Variants in TAF1 observed in about 807,000 individuals in gnomAD.
TAF1 encodes the protein transcription initiation factor TFIID subunit 1.
Under a neutral mutation model 138.5 loss-of-function variants are expected in TAF1, and 2 were observed. That is an observed-to-expected ratio of 0.01 (90% confidence interval 0.01 to 0.05). The LOEUF (loss-of-function observed/expected upper bound fraction) is 0.05, where lower values mean the gene tolerates loss of function less well. TAF1 is among the 10% of genes least tolerant of loss of function. TAF1 has a pLI of 1.00. For synonymous variants in TAF1, 437 were observed against 503.2 expected, an observed-to-expected ratio of 0.87 and a Z score of 1.76; for missense variants, 709 against 1,478.0, an observed-to-expected ratio of 0.48 and a Z score of 8.53.
At chrX:71,388,208 A>G in intron 15 of TAF1, 29 bp from the exon 16 acceptor site, 1 of 1,207,293 alleles carries the variant, frequency 8.3e-7, no homozygotes, top group African/African-American at 1.7e-5. Flanking sequence ...TTTCTTTGCC[A>G]AATAAAATAC....
chrX:71,430,573 G>A (rs767154203), intron 32 of TAF1, among the ~76,000 whole-genome samples: 92 of 111,209 alleles, frequency 8.3e-4, no homozygotes, highest in Middle Eastern at 9.2e-3. Context: ...GGATTCTAAG[G>A]ACAGGTAATA....
In TAF1 at chrX:71,382,821, C is replaced by T. The variant is rs864321630; in HGVS notation, c.1726C>T (p.Pro576Ser). The T allele has an allele frequency of 8.3e-7, 1 of 1,210,172 alleles. No homozygotes were observed. Among genetic ancestry groups the T allele is most frequent in the Non-Finnish European group, 1.1e-6 (1 of 894,968 alleles). The change falls in exon 11 of 38, where the codon CCC (proline) becomes TCC (serine). Residue 576 changes from proline to serine, a missense_variant. Pro to Ser is a moderately conservative substitution (Grantham distance 74, BLOSUM62 -1). Coordinates refer to ENST00000423759, the MANE Select transcript of TAF1 (RefSeq NM_004606.5). ...TCTCTCCAATGATGAGTATTATTAT[C>T]CCAAGCAACAGGGTCTTCGAGGCAC... ...WNLSNDEYYY[P>S]KQQGLRGTFG...
chrX:71,461,156 A>T (rs2038535417), intron 37 of TAF1, among the ~76,000 whole-genome samples: 1 of 111,046 alleles, frequency 9.0e-6, no homozygotes, highest in Non-Finnish European at 1.9e-5. Context: ...ATTGGGCCTT[A>T]AAAGATTAAT....
chrX:71,402,431 A>T (rs984757676), intron 25 of TAF1, among the ~76,000 whole-genome samples: 1 of 111,742 alleles, frequency 8.9e-6, no homozygotes, highest in African/African-American at 3.3e-5. Flanking sequence ...TATTTTTAGT[A>T]GAGACAGGGT....
chrX:71,404,335 C>T (rs1049733134), intron 25 of TAF1, among the ~76,000 whole-genome samples: 5 of 110,325 alleles, frequency 4.5e-5, no homozygotes, highest in African/African-American at 1.6e-4. Context: ...TAGAGTCGGC[C>T]ATTTCTCCAA....
intron 8 of TAF1, among the ~76,000 whole-genome samples, chrX:71,380,470 T>C (rs772995072): frequency 1.7e-3 from 185 of 111,461 alleles, no homozygotes; most frequent in African/African-American, 5.8e-3. Context: ...GTCTTGCTAT[T>C]GTTGGTCAGG....
intron 32 of TAF1, among the ~76,000 whole-genome samples, chrX:71,432,499 C>CTTT (rs200161016): frequency 1.0e-5 from 1 of 97,368 alleles, no homozygotes. Context: ...AAGATGGAGA[C>CTTT]TTTTTTTTTT....
At chrX:71,473,105 C>T (rs2038919169) in intron 13 of TAF1, among the ~76,000 whole-genome samples, 2 of 111,883 alleles carry the variant, frequency 1.8e-5, no homozygotes, top group Admixed American at 1.9e-4. Flanking sequence ...GAATGAGATA[C>T]AGCATTTGCC....
At chrX:71,524,048 T>C (rs2147640096) in intron 13 of TAF1, among the ~76,000 whole-genome samples, 1 of 102,821 alleles carries the variant, frequency 9.7e-6, no homozygotes, top group Admixed American at 1.0e-4. Flanking sequence ...TTTTTAGAGA[T>C]TCTTGCTCTG....
rs758405544 is a variant in TAF1 at position 71,371,026 on chromosome X, A to T, written c.352+2856A>T. Among the ~76,000 whole-genome samples, 3 of 111,687 alleles carry T rather than the reference A, an allele frequency of 2.7e-5. No homozygotes were observed. In the East Asian group the frequency reaches 8.4e-4, roughly 31 times the overall value. On this transcript the variant is annotated intron_variant, in intron 3 of 37. Transcript: ENST00000423759. ...AAGAATAGGTAAGTCAATAGCTGTCATTTTTGGGCACCCTGACTGGGGGGA... is the reference window on the plus strand; with the variant it reads ...AAGAATAGGTAAGTCAATAGCTGTCTTTTTTGGGCACCCTGACTGGGGGGA...
rs761717792 is a variant in TAF1 at position 71,383,147 on chromosome X, A to G, written c.1930A>G (p.Ile644Val). The part of the protein sequence containing the change: ...PHSVQPLLKH[I>V]KKKAKMREQE... ...CTCAGTCCAACCTTTGCTAAAGCAC[A>G]TCAAAAAAAAGGCCAAGGTATAATT... Residue 644 changes from isoleucine to valine, a missense_variant, in exon 12 of 38, where the codon ATC becomes GTC. By Grantham distance (29) the Ile-to-Val change is conservative. This residue lies in a region of TAF1 where 201 missense variants were observed against 421.3 expected (regional missense o/e 0.48). Coordinates refer to ENST00000423759, the MANE Select transcript of TAF1 (RefSeq NM_004606.5). 1 of 1,209,686 alleles carries G rather than the reference A, an allele frequency of 8.3e-7. No homozygotes were observed. Among genetic ancestry groups the G allele is most frequent in the South Asian group, 1.8e-5 (1 of 56,424 alleles).
At chrX:71,453,773 G>C (rs974612127) in intron 32 of TAF1, among the ~76,000 whole-genome samples, 3 of 111,052 alleles carry the variant, frequency 2.7e-5, no homozygotes, top group African/African-American at 9.8e-5. Context: ...GGAGGCTGAG[G>C]GGGGCGGATC....
At chrX:71,429,087 G>A (rs1299428570) in intron 32 of TAF1, among the ~76,000 whole-genome samples, 1 of 110,894 alleles carries the variant, frequency 9.0e-6, no homozygotes, top group Non-Finnish European at 1.9e-5. Flanking sequence ...CATTCTGGCT[G>A]ACACAGTGAA....
chrX:71,469,943 C>T (rs1211173301), downstream of TAF1, among the ~76,000 whole-genome samples: 3 of 111,935 alleles, frequency 2.7e-5, no homozygotes, highest in South Asian at 3.7e-4. Context: ...TCAGGTGATC[C>T]GCCCTCCTTG....
rs1430242647 is a variant in TAF1 at position 71,423,955 on chromosome X, T to A, written c.4576-19T>A. 1 of 1,152,851 alleles carries A rather than the reference T, an allele frequency of 8.7e-7. No individual in the cohort carries two copies. The highest frequency in any genetic ancestry group is 1.9e-5 in the South Asian group (1 of 53,115). ...GAAGAGTGGTTTCCATTTAATTTCT[T>A]ATGCTTTCTATTTACTAGTCTTGGC... On this transcript the variant is annotated intron_variant, in intron 30 of 37. Transcript: ENST00000423759.
chrX:71,487,317 ATT>A (rs60691914), intron 13 of TAF1, among the ~76,000 whole-genome samples: 2 of 55,007 alleles, frequency 3.6e-5, no homozygotes, highest in African/African-American at 7.5e-5. Flanking sequence ...TAATGTATGT[ATT>A]TTTTTTTTTT....
At chrX:71,422,509 A>G (rs1367044443) in intron 29 of TAF1, among the ~76,000 whole-genome samples, 1 of 99,184 alleles carries the variant, frequency 1.0e-5, no homozygotes, top group African/African-American at 3.7e-5. Context: ...TATTCTTAGT[A>G]GAGATGGGGT....
intron 13 of TAF1, among the ~76,000 whole-genome samples, chrX:71,477,942 C>T (rs1330209413): frequency 1.8e-5 from 2 of 109,523 alleles, no homozygotes; most frequent in Non-Finnish European, 3.8e-5. Flanking sequence ...TGCAGTGAGC[C>T]GAGATCACAC....
downstream of TAF1, among the ~76,000 whole-genome samples, chrX:71,467,948 C>T (rs1359076314): frequency 1.8e-5 from 2 of 111,815 alleles, no homozygotes; most frequent in Admixed American, 9.6e-5. Context: ...TATTTGACAC[C>T]GTGCATCAAG....
Sources: allele counts gnomAD v4.1 joint callset (sites outside exome capture counted in the v4.1 genomes callset), GRCh38; gene constraint gnomAD v4.1.1; regional missense constraint gnomAD v4.1.1; transcripts MANE v1.5; gene names NCBI Gene and HGNC (gene_info 2026-07-23, HGNC 2026-07-21).